NRXN3: variants seen among roughly 807,000 people sequenced by gnomAD.
NRXN3 encodes the protein neurexin 3, also known as neurexin III.
NRXN3 carries 32 observed loss-of-function variants against 137.6 expected under a neutral mutation model. The observed-to-expected ratio is 0.23, with a 90% confidence interval of 0.18 to 0.31. The LOEUF (loss-of-function observed/expected upper bound fraction) is 0.31. NRXN3 is among the 10% of genes least tolerant of loss of function. NRXN3 has a pLI of 1.00. For missense variants in NRXN3, 1,574 were observed against 2,062.5 expected (o/e 0.76, Z 4.59); for synonymous variants, 798 against 784.5 (o/e 1.02, Z -0.29).
chr14:78,955,886 G>A (rs2152961671), intron 10 of NRXN3, among the ~76,000 whole-genome samples: 1 of 152,206 alleles, frequency 6.6e-6, no homozygotes, highest in South Asian at 2.1e-4. Context: ...GAGGAGTGTA[G>A]CTAGTGACAG....
chr14:79,856,217 A>G (rs908058590), intron 20 of NRXN3, among the ~76,000 whole-genome samples: 1 of 152,098 alleles, frequency 6.6e-6, no homozygotes, highest in Non-Finnish European at 1.5e-5. Flanking sequence ...GAGTTTTTCT[A>G]CTGTCTTCTC....
chr14:78,549,440 C>T (rs909216019), intron 4 of NRXN3, among the ~76,000 whole-genome samples: 3 of 152,148 alleles, frequency 2.0e-5, no homozygotes, highest in African/African-American at 7.2e-5. Flanking sequence ...AGCTCATGCT[C>T]CCCTTCACCA....
At chr14:78,327,854 G>A (rs867047243) in intron 4 of NRXN3, among the ~76,000 whole-genome samples, 1 of 152,138 alleles carries the variant, frequency 6.6e-6, no homozygotes, top group African/African-American at 2.4e-5. Flanking sequence ...GCCTAGGCCT[G>A]GGCTCAGGAT....
chr14:78,795,300 G>T (rs1218952404), intron 8 of NRXN3, among the ~76,000 whole-genome samples: 1 of 152,150 alleles, frequency 6.6e-6, no homozygotes, highest in African/African-American at 2.4e-5. Context: ...TTTCTCCCTG[G>T]ATTGCTCCTT....
intron 15 of NRXN3, among the ~76,000 whole-genome samples, chr14:79,065,066 A>G (rs373358370): frequency 3.9e-5 from 6 of 152,030 alleles, no homozygotes; most frequent in African/African-American, 1.2e-4. Flanking sequence ...CGTTTAAAAT[A>G]TGTATTTACA....
At chr14:79,486,086 A>G (rs2096653404) in intron 16 of NRXN3, among the ~76,000 whole-genome samples, 1 of 152,136 alleles carries the variant, frequency 6.6e-6, no homozygotes, top group Admixed American at 6.5e-5. Context: ...AACATCATTA[A>G]ACATTTAATT....
At chr14:78,727,003 A>G (rs190577695) in intron 8 of NRXN3, among the ~76,000 whole-genome samples, 2 of 151,138 alleles carry the variant, frequency 1.3e-5, no homozygotes, top group East Asian at 2.0e-4. Flanking sequence ...TTATCATGCC[A>G]TGGATCCTAG....
intron 15 of NRXN3, among the ~76,000 whole-genome samples, chr14:79,382,332 G>A (rs1013404447): frequency 1.3e-5 from 2 of 152,270 alleles, no homozygotes; most frequent in Non-Finnish European, 2.9e-5. Context: ...AAAGCAATGC[G>A]CAGGACAATG....
At chr14:78,795,345 G>C (rs2370873) in intron 8 of NRXN3, among the ~76,000 whole-genome samples, 145,499 of 152,280 alleles carry the variant, frequency 0.96, 69,848 homozygotes, top group East Asian at 1. Context: ...TTTTTCCATT[G>C]TAAGTATTAT....
At chr14:79,457,204 C>A (rs763915295) in intron 15 of NRXN3, among the ~76,000 whole-genome samples, 2 of 152,104 alleles carry the variant, frequency 1.3e-5, no homozygotes, top group Non-Finnish European at 2.9e-5. Context: ...ATAATAATTT[C>A]TTTGTGAAGA....
chr14:78,885,610 A>G (rs988243799), intron 10 of NRXN3, among the ~76,000 whole-genome samples: 1 of 152,134 alleles, frequency 6.6e-6, no homozygotes, highest in Non-Finnish European at 1.5e-5. Context: ...CAGCAGCTTA[A>G]TAGAGCATTA....
intron 10 of NRXN3, among the ~76,000 whole-genome samples, chr14:78,855,162 CAAA>C (rs199939050): frequency 8.0e-6 from 1 of 125,326 alleles, no homozygotes; most frequent in African/African-American, 2.8e-5. Flanking sequence ...GACTGCATCT[CAAA>C]AAAAAAAAAA....
chr14:79,402,045 G>A (rs994530152), intron 15 of NRXN3, among the ~76,000 whole-genome samples: 1 of 151,850 alleles, frequency 6.6e-6, no homozygotes, highest in South Asian at 2.1e-4. Flanking sequence ...GCTTACCAAG[G>A]AGCTAGGACT....
intron 4 of NRXN3, among the ~76,000 whole-genome samples, chr14:78,471,397 G>A (rs555786111): frequency 3.3e-5 from 5 of 151,962 alleles, no homozygotes; most frequent in African/African-American, 9.7e-5. Context: ...AGCAATGACC[G>A]TCAGCATGAT....
chr14:79,483,003 C>A (rs925880413), intron 16 of NRXN3, among the ~76,000 whole-genome samples: 2 of 152,174 alleles, frequency 1.3e-5, no homozygotes, highest in Non-Finnish European at 2.9e-5. Context: ...TATTCGCTTC[C>A]TTTTTCAAGC....
At chr14:78,749,457 C>T (rs535821117) in intron 8 of NRXN3, among the ~76,000 whole-genome samples, 8 of 152,266 alleles carry the variant, frequency 5.3e-5, no homozygotes, top group South Asian at 2.1e-4. Context: ...ATAAAAGAAA[C>T]GAGTCCTGCT....
chr14:79,093,907 TTTTTTC>T, intron 15 of NRXN3, among the ~76,000 whole-genome samples: 1 of 151,638 alleles, frequency 6.6e-6, no homozygotes, highest in Non-Finnish European at 1.5e-5. Flanking sequence ...TTTTTTTTTC[TTTTTTC>T]TTTTTTTCCC....
At chr14:79,241,148 T>C (rs559855742) in intron 15 of NRXN3, among the ~76,000 whole-genome samples, 1 of 152,250 alleles carries the variant, frequency 6.6e-6, no homozygotes, top group East Asian at 1.9e-4. Context: ...TAGTGTCACA[T>C]GGTCAGGTTT....
intron 15 of NRXN3, among the ~76,000 whole-genome samples, chr14:79,109,713 T>C (rs1449236511): frequency 6.6e-6 from 1 of 152,158 alleles, no homozygotes; most frequent in Non-Finnish European, 1.5e-5. Context: ...CAAGCTATTT[T>C]TAATATTAAA....
Sources: allele counts gnomAD v4.1 joint callset (sites outside exome capture counted in the v4.1 genomes callset), GRCh38; gene constraint gnomAD v4.1.1; transcripts MANE v1.5; gene names NCBI Gene and HGNC (gene_info 2026-07-23, HGNC 2026-07-21).